Variants in OSGEP observed in about 807,000 individuals in gnomAD.
OSGEP encodes tRNA N6-adenosine threonylcarbamoyltransferase.
A neutral mutation model predicts 44.1 loss-of-function variants in OSGEP; 39 were observed. The ratio of observed to expected loss-of-function variants is 0.88; its 90% CI spans 0.69 to 1.16. The LOEUF (loss-of-function observed/expected upper bound fraction) is 1.16, where lower values mean the gene tolerates loss of function less well. Among genes scored for constraint, OSGEP ranks in the 50% most tolerant of loss-of-function variants. The probability of loss-of-function intolerance (pLI) is 0.00; values close to 1 mark genes in which losing one functional copy is unlikely to be tolerated. For missense variants in OSGEP, 403 were observed against 443.1 expected, an observed-to-expected ratio of 0.91 and a Z score of 0.81; for synonymous variants, 139 against 161.9, an observed-to-expected ratio of 0.86 and a Z score of 1.07.
chr14:20,449,156 G>T lies in OSGEP; in HGVS notation c.507+15C>A. ...TCACCCACATTTTATGTTCTCTGCA[G>T]CCCCACTGGCTTACCTTCAGCACTC... On this transcript the variant is annotated intron_variant, in intron 4 of 10. Transcript: ENST00000206542. 6.3e-7 allele frequency: 1 copy of T among 1,580,632 alleles called. No homozygotes were observed. The highest frequency in any genetic ancestry group is 8.7e-7 in the Non-Finnish European group (1 of 1,149,400).
chr14:20,454,454 A>G (rs1881204482), intron 1 of OSGEP, 115 bp downstream of exon 1: 1 of 811,660 alleles, frequency 1.2e-6, no homozygotes, highest in African/African-American at 1.7e-5. Flanking sequence ...ATAATGTCAC[A>G]TAATTTCAAT....
Position 20,449,105 on chromosome 14 carries a change from C to T in OSGEP, c.507+66G>A, listed in dbSNP as rs1049750114. On this transcript the variant is annotated intron_variant, in intron 4 of 10. Coordinates refer to ENST00000206542, the MANE Select transcript of OSGEP (RefSeq NM_017807.4). ...AAGAAGCTCATTTACTATTTCCTCC[C>T]TCCACCTCCATGGCTTCCCAAAAAT... The T allele has an allele frequency of 6.0e-5, 90 of 1,493,234 alleles. No individual in the cohort carries two copies. In the Admixed American group the frequency reaches 1.4e-3, roughly 24 times the overall value. The allele number at this position is 1,493,234 out of a possible 1,614,324, so 92.5% of individuals were successfully genotyped here. A position where few individuals can be genotyped will look rare whatever the true frequency, so the allele number is the denominator to read the frequency against.
At chr14:20,453,203 A>G (rs1354736349) in intron 1 of OSGEP, among the ~76,000 whole-genome samples, 3 of 152,178 alleles carry the variant, frequency 2.0e-5, no homozygotes, top group South Asian at 2.1e-4. Flanking sequence ...CTAAACATAC[A>G]TATATATTTC....
intron 3 of OSGEP, 60 bp from the exon 4 acceptor site, chr14:20,449,326 G>C: frequency 9.5e-7 from 1 of 1,057,316 alleles, no homozygotes; most frequent in Non-Finnish European, 1.5e-6. Flanking sequence ...ATTTGGCTTT[G>C]GGAGAAAAAC....
rs746083489 is a variant in OSGEP at position 20,448,834 on chromosome 14, G to A, written c.558-23C>T. ...CCTCTATGTGGGAATAAGCGTACGAGGCACTAAGCCTACAGTCAGCTGGCT... is the reference window on the plus strand; with the variant it reads ...CCTCTATGTGGGAATAAGCGTACGAAGCACTAAGCCTACAGTCAGCTGGCT... On this transcript the variant is annotated intron_variant, in intron 5 of 10. Transcript: ENST00000206542. The A allele has an allele frequency of 3.1e-6, 5 of 1,599,492 alleles. No individual in the cohort carries two copies. The South Asian group carries it at 5.5e-5, about 18-fold the overall frequency.
chr14:20,452,492 G>A, intron 1 of OSGEP, 44 bp from the exon 2 acceptor site: 2 of 1,603,832 alleles, frequency 1.2e-6, no homozygotes, highest in Non-Finnish European at 1.7e-6. Context: ...ATTTTCTGTA[G>A]CAAAGGTAGG....
Position 20,447,418 on chromosome 14 carries a change from T to C in OSGEP, c.968+4A>G, listed in dbSNP as rs2139289001. On this transcript the variant is annotated splice_donor_region_variant and intron_variant, in intron 10 of 10. Coordinates refer to ENST00000206542, the MANE Select transcript of OSGEP (RefSeq NM_017807.4). ...CTACCCTCACCAAGAGGTGAATCAC[T>C]CACCTCTGTGTAACCCCAGAATCAC... 2 of 1,613,030 alleles carry C rather than the reference T, an allele frequency of 1.2e-6. No individual in the cohort carries two copies. Among genetic ancestry groups the C allele is most frequent in the South Asian group, 2.2e-5 (2 of 91,058 alleles).
In OSGEP at chr14:20,447,134, A is replaced by C; in HGVS notation, c.*106T>G. On this transcript the variant is annotated 3_prime_UTR_variant, in exon 11 of 11. Transcript: ENST00000206542. Reference sequence around the variant, plus strand: ...ATAAAGGACCCCAAGCCTTGCTTGGAGTCTATAGCTTTGCTAGGACTCCCA... The same window carrying C: ...ATAAAGGACCCCAAGCCTTGCTTGGCGTCTATAGCTTTGCTAGGACTCCCA... The C allele has an allele frequency of 1.1e-6, 1 of 917,410 alleles. No individual in the cohort carries two copies. The highest frequency in any genetic ancestry group is 1.8e-6 in the Non-Finnish European group (1 of 563,534). 56.8% of individuals were successfully genotyped at this position (917,410 alleles called of 1,614,324 possible). A position where few individuals can be genotyped will look rare whatever the true frequency, so the allele number is the denominator to read the frequency against.
intron 3 of OSGEP, chr14:20,450,756 A>G (rs934694449): frequency 1.2e-4 from 18 of 152,258 alleles, no homozygotes; most frequent in African/African-American, 4.3e-4. Flanking sequence ...AAAAGAATCC[A>G]ATCCCAACCT....
intron 3 of OSGEP, chr14:20,449,890 G>A (rs571565327): frequency 3.8e-4 from 59 of 154,842 alleles, no homozygotes; most frequent in South Asian, 3.2e-3. Context: ...GCCTCTCAAA[G>A]TGCTGGGATT....
Position 20,454,607 on chromosome 14 carries a change from G to GCCAGCACCTTGCCAT in OSGEP, c.62_76dup (p.Asp21_Leu25dup), listed in dbSNP as rs1250354559. 6.2e-7 allele frequency: 1 copy of GCCAGCACCTTGCCAT among 1,614,166 alleles called. No homozygotes were observed. Among genetic ancestry groups the GCCAGCACCTTGCCAT allele is most frequent in the Admixed American group, 1.7e-5 (1 of 60,030 alleles). ...CGTGACGTAAGTCCGCCGCGGGTTC[G>GCCAGCACCTTGCCAT]CCAGCACCTTGCCATCCCGCACCAC... On this transcript the variant is annotated inframe_insertion, in exon 1 of 11. Coordinates refer to ENST00000206542, the MANE Select transcript of OSGEP (RefSeq NM_017807.4).
Position 20,447,873 on chromosome 14 carries a change from G to C in OSGEP, c.793+31C>G, listed in dbSNP as rs374362491. The C allele has an allele frequency of 7.3e-5, 108 of 1,485,450 alleles. 1 individual carries two copies. The African/African-American group carries it at 1.3e-3, about 18-fold the overall frequency. 92.0% of individuals were successfully genotyped at this position (1,485,450 alleles called of 1,614,324 possible). A position where few individuals can be genotyped will look rare whatever the true frequency, so the allele number is the denominator to read the frequency against. ...AGGAAGACGCATAGTGTTAAGAATA[G>C]GAAAGAGGAACACTTTTCAATAATA... On this transcript the variant is annotated intron_variant, in intron 8 of 10. Coordinates refer to ENST00000206542, the MANE Select transcript of OSGEP (RefSeq NM_017807.4).
intron 3 of OSGEP, chr14:20,449,470 A>G (rs1881040169): frequency 1.8e-6 from 1 of 558,136 alleles, no homozygotes; most frequent in Non-Finnish European, 3.2e-6. Flanking sequence ...TTCCAGGAAC[A>G]GATTCCTAGA....
intron 8 of OSGEP, 62 bp from the exon 9 acceptor site, chr14:20,447,752 A>G: frequency 1.4e-6 from 2 of 1,387,148 alleles, no homozygotes; most frequent in Non-Finnish European, 2.0e-6. Context: ...GTCCAGCAGA[A>G]CACGTCATGT....
At chr14:20,453,443 T>G (rs912469829) in intron 1 of OSGEP, among the ~76,000 whole-genome samples, 1 of 152,020 alleles carries the variant, frequency 6.6e-6, no homozygotes, top group Non-Finnish European at 1.5e-5. Flanking sequence ...CTCGGCTCAC[T>G]GCAACCTCTG....
chr14:20,454,612 C>T lies in OSGEP; in HGVS notation c.72G>A (p.Val24=). 1 of 1,614,252 alleles carries T rather than the reference C, an allele frequency of 6.2e-7. No homozygotes were observed. The highest frequency in any genetic ancestry group is 1.3e-5 in the African/African-American group (1 of 75,078). The part of the protein sequence containing the change: ...IGVGVVRDGK[V]LANPRRTYVT... ...CGTAAGTCCGCCGCGGGTTCGCCAG[C>T]ACCTTGCCATCCCGCACCACGCCCA... The change falls in exon 1 of 11, where the codon GTG becomes GTA. Residue 24 remains valine (V), a synonymous_variant. Transcript: ENST00000206542.
Position 20,452,132 on chromosome 14 carries a change from G to A in OSGEP, c.253C>T (p.Pro85Ser), listed in dbSNP as rs773812062. 2 of 1,611,378 alleles carry A rather than the reference G, an allele frequency of 1.2e-6. No homozygotes were observed. Among genetic ancestry groups the A allele is most frequent in the Admixed American group, 1.7e-5 (1 of 59,484 alleles). ...AYTKGPGMGA[P>S]LVSVAVVART... ...GCCACAACAGCCACAGAAACCAGTG[G>A]GGCACCCATGCCAGGGCCTAGGGAG... Residue 85 changes from proline (P) to serine (S), a missense_variant, in exon 3 of 11, where the codon CCA becomes TCA. Coordinates refer to ENST00000206542, the MANE Select transcript of OSGEP (RefSeq NM_017807.4).
intron 3 of OSGEP, 176 bp downstream of exon 3, chr14:20,451,798 A>G (rs1413961796): frequency 8.0e-6 from 4 of 499,226 alleles, no homozygotes; most frequent in Non-Finnish European, 1.4e-5. Context: ...TGTTCTGATC[A>G]TGCTGCCAAA....
rs1249986597 is a variant in OSGEP, at chr14:20,454,796, A to G, written c.-113T>C. 2 of 749,580 alleles carry G rather than the reference A, an allele frequency of 2.7e-6. No individual in the cohort carries two copies. The highest frequency in any genetic ancestry group is 5.2e-5 in the Admixed American group (2 of 38,250). 46.4% of individuals were successfully genotyped at this position (749,580 alleles called of 1,614,324 possible). A position where few individuals can be genotyped will look rare whatever the true frequency, so the allele number is the denominator to read the frequency against. ...TTCCGGAGCGCAGAGGAAGCTGGCC[A>G]GCCTGCAGATAGCACTGGGAAAGAC... On this transcript the variant is annotated 5_prime_UTR_variant, in exon 1 of 11. Coordinates refer to ENST00000206542, the MANE Select transcript of OSGEP (RefSeq NM_017807.4).
Sources: allele counts gnomAD v4.1 joint callset (sites outside exome capture counted in the v4.1 genomes callset), GRCh38; gene constraint gnomAD v4.1.1; transcripts MANE v1.5; gene names NCBI Gene and HGNC (gene_info 2026-07-23, HGNC 2026-07-21).